Variants in WFS1 observed in about 807,000 individuals in gnomAD.
The protein encoded by WFS1 is wolframin.
WFS1 carries 90 observed loss-of-function variants against 68.5 expected under a neutral mutation model. The observed-to-expected ratio is 1.31, with a 90% CI of 1.11 to 1.56. The LOEUF is 1.56. Ranked by LOEUF, WFS1 falls within the 40% of genes most tolerant of loss-of-function variation. The probability of loss-of-function intolerance (pLI) is 0.00; values close to 1 mark genes in which losing one functional copy is unlikely to be tolerated. For missense variants in WFS1, 1,767 were observed against 1,232.6 expected (o/e 1.43, Z -6.49); for synonymous variants, 860 against 540.7 (o/e 1.59, Z -8.19).
intron 2 of WFS1, among the ~76,000 whole-genome samples, chr4:6,285,175 A>ATCTAGGGAGAGTTACG (rs1553876366): frequency 9.8e-5 from 14 of 142,222 alleles, no homozygotes; most frequent in Admixed American, 2.8e-4. Context: ...GGAGAGTTAC[A>ATCTAGGGAGAGTTACG]TCCAGGGAGA....
rs1560408865 is a variant in WFS1 at position 6,289,108 on chromosome 4, GC to G, written c.439del (p.Arg147GlyfsTer17). ...QGRREAVKLL[R>X]RCLADRRGIT... ...CGTCGCGAGGCTGTGAAGCTGCTTC[GC>G]CGGTGCTTGGCGGACAGAAGAGGTG... On this transcript the variant is annotated frameshift_variant, in exon 4 of 8. Coordinates refer to ENST00000226760, the MANE Select transcript of WFS1 (RefSeq NM_006005.3). LOFTEE classifies it high-confidence loss of function. The G allele has an allele frequency of 1.3e-6, 2 of 1,580,220 alleles. No homozygotes were observed. The highest frequency in any genetic ancestry group is 1.7e-6 in the Non-Finnish European group (2 of 1,163,414).
intron 6 of WFS1, among the ~76,000 whole-genome samples, chr4:6,294,479 CA>C (rs5855907): frequency 0.57 from 85,961 of 151,760 alleles, 25,129 homozygotes; most frequent in East Asian, 0.93. Context: ...ATGGAGGTGT[CA>C]GCAGGCACAT....
At position 6,301,807 on chromosome 4, in the gene WFS1, C is replaced by T. The variant is rs71530907; in HGVS notation, c.2012C>T (p.Ala671Val). The T allele has an allele frequency of 2.8e-3, 4,514 of 1,613,206 alleles. 153 individuals are homozygous for T. The South Asian group carries it at 0.045, about 16-fold the overall frequency. ...ACACTGACCTGGCAGCAGTATGGTG[C>T]GCTGTGCGGGCCACGCGCCTGGAAG... ...NSTLTWQQYG[A>V]LCGPRAWKET... The change falls in exon 8 of 8, where the codon GCG (alanine) becomes GTG (valine). Residue 671 changes from alanine (A) to valine (V), a missense_variant. Ala to Val is a moderately conservative substitution (Grantham distance 64, BLOSUM62 0). Coordinates refer to ENST00000226760, the MANE Select transcript of WFS1 (RefSeq NM_006005.3).
intron 2 of WFS1, among the ~76,000 whole-genome samples, chr4:6,280,171 T>C (rs1355379060): frequency 6.6e-6 from 1 of 152,200 alleles, no homozygotes; most frequent in African/African-American, 2.4e-5. Flanking sequence ...ATGGCAGCCC[T>C]GAGAGGGGAA....
chr4:6,301,334 T>C lies in WFS1; in HGVS notation c.1539T>C (p.Tyr513=). The C allele has an allele frequency of 1.2e-6, 2 of 1,612,098 alleles. No individual in the cohort carries two copies. The highest frequency in any genetic ancestry group is 1.7e-6 in the Non-Finnish European group (2 of 1,179,970). The stretch of plus-strand genomic sequence containing the variant: ...GCCTGCTCTATGTCTACCTGCTCTA[T>C]CTCTTCTTCCGCATGGCACAGCTGA... The part of the protein sequence containing the change: ...VPCLLYVYLL[Y]LFFRMAQLRN... The change falls in exon 8 of 8, where the codon TAT becomes TAC. Residue 513 remains tyrosine, a synonymous_variant. Transcript: ENST00000226760.
chr4:6,301,642 C>A lies in WFS1; in HGVS notation c.1847C>A (p.Ala616Asp). Residue 616 changes from alanine to aspartate, a missense_variant, in exon 8 of 8, where the codon GCC becomes GAC. Coordinates refer to ENST00000226760, the MANE Select transcript of WFS1 (RefSeq NM_006005.3). ...VPLLLRWWTKASFSVVGMVKS... is the reference protein window; with the variant it reads ...VPLLLRWWTKDSFSVVGMVKS... ...CTGCTGTTGCGCTGGTGGACCAAGGCCAGCTTCTCTGTGGTGGGGATGGTG... is the reference window on the plus strand; with the variant it reads ...CTGCTGTTGCGCTGGTGGACCAAGGACAGCTTCTCTGTGGTGGGGATGGTG... 1 of 1,614,082 alleles carries A rather than the reference C, an allele frequency of 6.2e-7. No individual in the cohort carries two copies. Among genetic ancestry groups the A allele is most frequent in the Non-Finnish European group, 8.5e-7 (1 of 1,179,998 alleles).
intron 2 of WFS1, among the ~76,000 whole-genome samples, chr4:6,281,105 A>G (rs1244428163): frequency 6.6e-6 from 1 of 152,074 alleles, no homozygotes; most frequent in Non-Finnish European, 1.5e-5. Flanking sequence ...GGGTAGGGGG[A>G]TTGCTTTGGC....
In WFS1 at chr4:6,302,478, G is replaced by A. The variant is rs769481210; in HGVS notation, c.*10G>A. ...CCTGTCGGCGGCCTGAGGATGGTCC[G>A]CCACGAGGAGCTTCCAGTGCATGTT... On this transcript the variant is annotated 3_prime_UTR_variant, in exon 8 of 8. Coordinates refer to ENST00000226760, the MANE Select transcript of WFS1 (RefSeq NM_006005.3). 15 of 1,612,070 alleles carry A rather than the reference G, an allele frequency of 9.3e-6. No homozygotes were observed. The highest frequency in any genetic ancestry group is 1.3e-5 in the African/African-American group (1 of 75,068).
chr4:6,300,722 G>A lies in WFS1; in HGVS notation c.927G>A (p.Arg309=). Residue 309 remains arginine, a synonymous_variant, in exon 8 of 8, where the codon AGG becomes AGA. Coordinates refer to ENST00000226760, the MANE Select transcript of WFS1 (RefSeq NM_006005.3). ...IKEYLIDMAS[R]AGMHWLSTII... is the part of the protein sequence containing the mutation. ...AGTACCTGATTGACATGGCCTCCAGGGCAGGCATGCACTGGCTGTCCACCA... is the reference window on the plus strand; with the variant it reads ...AGTACCTGATTGACATGGCCTCCAGAGCAGGCATGCACTGGCTGTCCACCA... 6.2e-7 allele frequency: 1 copy of A among 1,613,988 alleles called. No homozygotes were observed. Among genetic ancestry groups the A allele is most frequent in the Non-Finnish European group, 8.5e-7 (1 of 1,179,968 alleles).
chr4:6,297,231 T>C (rs368172676), intron 7 of WFS1, among the ~76,000 whole-genome samples: 9 of 152,346 alleles, frequency 5.9e-5, no homozygotes, highest in African/African-American at 2.2e-4. Flanking sequence ...CTTCGATTCC[T>C]TTGCAGTTTG....
Position 6,302,741 on chromosome 4 carries a change from T to G in WFS1, c.*273T>G. ...TCTGAGTGACATGGGTGTGCCAGGC[T>G]AGACTAGGAGGTTCCGGTGTCTGGA... On this transcript the variant is annotated 3_prime_UTR_variant, in exon 8 of 8. Transcript: ENST00000226760. 1.7e-6 allele frequency: 1 copy of G among 573,950 alleles called. No individual in the cohort carries two copies. The highest frequency in any genetic ancestry group is 3.1e-6 in the Non-Finnish European group (1 of 325,422). 35.6% of individuals were successfully genotyped at this position (573,950 alleles called of 1,614,324 possible).
At position 6,291,345 on chromosome 4, in the gene WFS1, T is replaced by A; in HGVS notation, c.609T>A (p.Asn203Lys). The part of the protein sequence containing the change: ...KQVAVAELLE[N>K]VGQVNEHDGG... ...TGGCCGTGGCGGAGCTGCTGGAGAA[T>A]GTCGGCCAGGTCAACGAGCACGGTG... The change falls in exon 5 of 8, where the codon AAT becomes AAA. Residue 203 changes from asparagine (N) to lysine (K), a missense_variant. Asn to Lys is a moderately conservative substitution (Grantham distance 94, BLOSUM62 0). Coordinates refer to ENST00000226760, the MANE Select transcript of WFS1 (RefSeq NM_006005.3). 6.2e-7 allele frequency: 1 copy of A among 1,612,992 alleles called. No individual in the cohort carries two copies. The highest frequency in any genetic ancestry group is 8.5e-7 in the Non-Finnish European group (1 of 1,180,004).
At chr4:6,291,417 C>A in intron 5 of WFS1, 50 bp downstream of exon 5, 1 of 1,600,394 alleles carries the variant, frequency 6.2e-7, no homozygotes, top group Non-Finnish European at 8.5e-7. Context: ...CCAGCCTTCC[C>A]ACAGGAGCCA....
In WFS1 at chr4:6,302,129, C is replaced by T. The variant is rs71526460; in HGVS notation, c.2334C>T (p.Thr778=). The change falls in exon 8 of 8, where the codon ACC becomes ACT. Residue 778 remains threonine, a synonymous_variant. Transcript: ENST00000226760. ...KKFDRYKFEI[T]VGMPFSSGAD... is the part of the protein sequence containing the mutation. ...TCGACCGCTACAAGTTTGAGATTAC[C>T]GTGGGCATGCCATTCAGCAGCGGCG... 85 of 1,612,970 alleles carry T rather than the reference C, an allele frequency of 5.3e-5. No homozygotes were observed. In the Admixed American group the frequency reaches 6.7e-4, roughly 13 times the overall value.
chr4:6,298,564 G>T (rs578186422), intron 7 of WFS1, among the ~76,000 whole-genome samples: 1 of 151,978 alleles, frequency 6.6e-6, no homozygotes, highest in East Asian at 1.9e-4. Context: ...ACGTGTAGAC[G>T]TGCATGCACA....
rs151153967 is a variant in WFS1, at chr4:6,300,938, G to C, written c.1143G>C (p.Leu381=). 1 of 1,614,164 alleles carries C rather than the reference G, an allele frequency of 6.2e-7. No homozygotes were observed. Among genetic ancestry groups the C allele is most frequent in the African/African-American group, 1.3e-5 (1 of 75,040 alleles). Residue 381 remains leucine, a synonymous_variant, in exon 8 of 8, where the codon CTG becomes CTC. Coordinates refer to ENST00000226760, the MANE Select transcript of WFS1 (RefSeq NM_006005.3). ...ACTTCCGCACCCTCACCGACCTGCT[G>C]CTGCGCTTCGAGCCCAACCTGGATG... ...WENFRTLTDL[L]LRFEPNLDVE...
chr4:6,290,519 A>G (rs2109116047), intron 4 of WFS1, among the ~76,000 whole-genome samples: 1 of 152,370 alleles, frequency 6.6e-6, no homozygotes, highest in South Asian at 2.1e-4. Flanking sequence ...TCTGATGTGC[A>G]GTTGTGCTTT....
At chr4:6,271,582 G>A (rs558465668) in intron 1 of WFS1, among the ~76,000 whole-genome samples, 6 of 152,220 alleles carry the variant, frequency 3.9e-5, no homozygotes, top group Admixed American at 3.9e-4. Context: ...CCCTACTTCC[G>A]GAAGTGGTAC....
In WFS1 at chr4:6,302,347, T is replaced by G. The variant is rs758613421; in HGVS notation, c.2552T>G (p.Met851Arg). The stretch of plus-strand genomic sequence containing the variant: ...AAGGCCATCAGCTGCCTCAACTGCA[T>G]GGCCCAGCTCTCACCCACCAGGCGG... ...ELKAISCLNC[M>R]AQLSPTRRHV... is the part of the protein sequence containing the mutation. Residue 851 changes from methionine to arginine, a missense_variant, in exon 8 of 8, where the codon ATG becomes AGG. Physicochemically the swap from Met to Arg is moderately conservative, Grantham distance 91 (BLOSUM62 -1). Transcript: ENST00000226760. The G allele has an allele frequency of 1.2e-5, 20 of 1,612,822 alleles. No individual in the cohort carries two copies. In the African/African-American group the frequency reaches 1.3e-4, roughly 11 times the overall value.
Sources: allele counts gnomAD v4.1 joint callset (sites outside exome capture counted in the v4.1 genomes callset), GRCh38; gene constraint gnomAD v4.1.1; transcripts MANE v1.5; gene names NCBI Gene and HGNC (gene_info 2026-07-23, HGNC 2026-07-21).